Variants in GNA14 observed in about 807,000 individuals in gnomAD.
GNA14 encodes guanine nucleotide-binding protein subunit alpha-14.
Under a neutral mutation model 42.0 loss-of-function variants are expected in GNA14, and 50 were observed. The ratio of observed to expected loss-of-function variants is 1.19; its 90% CI spans 0.95 to 1.51. GNA14 has a LOEUF of 1.51. GNA14 is among the 40% of genes most tolerant of loss of function. The pLI is 0.00. For synonymous variants in GNA14, 173 were observed against 163.1 expected, an observed-to-expected ratio of 1.06 and a Z score of -0.46; for missense variants, 473 against 446.2, an observed-to-expected ratio of 1.06 and a Z score of -0.54.
intron 1 of GNA14, among the ~76,000 whole-genome samples, chr9:77,603,966 A>AC (rs1564064413): frequency 9.5e-5 from 14 of 148,124 alleles, no homozygotes; most frequent in African/African-American, 3.0e-4. Context: ...CAAAAAAAAA[A>AC]AAAAAAAAAA....
chr9:77,526,175 A>G (rs959445284), intron 2 of GNA14, among the ~76,000 whole-genome samples: 1 of 151,748 alleles, frequency 6.6e-6, no homozygotes, highest in Non-Finnish European at 1.5e-5. Context: ...GGCCTCCCAA[A>G]GTACTGGGTT....
At chr9:77,596,084 C>T (rs1823462856) in intron 1 of GNA14, among the ~76,000 whole-genome samples, 1 of 151,988 alleles carries the variant, frequency 6.6e-6, no homozygotes. Context: ...CATCTGGCAT[C>T]ACACATGCTT....
chr9:77,512,534 A>G (rs1363878579), intron 2 of GNA14, among the ~76,000 whole-genome samples: 1 of 152,192 alleles, frequency 6.6e-6, no homozygotes, highest in Non-Finnish European at 1.5e-5. Flanking sequence ...ATCTTTTCCC[A>G]CTCCATTCAA....
chr9:77,554,176 T>G (rs1357727199), intron 1 of GNA14, among the ~76,000 whole-genome samples: 3 of 152,196 alleles, frequency 2.0e-5, no homozygotes, highest in Non-Finnish European at 4.4e-5. Flanking sequence ...ACTCAGCCAG[T>G]GCTCAGCCCA....
intron 2 of GNA14, among the ~76,000 whole-genome samples, chr9:77,493,022 A>ATATATATATATATAT (rs1183078215): frequency 2.7e-5 from 2 of 74,960 alleles, no homozygotes; most frequent in African/African-American, 1.2e-4. Context: ...AAAAAAAAAA[A>ATATATATATATATAT]AAAAATATAT....
At chr9:77,516,865 TACA>T (rs1166570701) in intron 2 of GNA14, among the ~76,000 whole-genome samples, 1 of 152,152 alleles carries the variant, frequency 6.6e-6, no homozygotes. Context: ...AAACATCTCT[TACA>T]ACAATAATGA....
chr9:77,622,909 G>GAA (rs60072959), intron 1 of GNA14, among the ~76,000 whole-genome samples: 1 of 136,930 alleles, frequency 7.3e-6, no homozygotes, highest in East Asian at 2.2e-4. Flanking sequence ...AAAAAAAAAA[G>GAA]AAAAATTTTT....
At chr9:77,521,000 T>C (rs1191500696) in intron 2 of GNA14, among the ~76,000 whole-genome samples, 1 of 152,202 alleles carries the variant, frequency 6.6e-6, no homozygotes, top group Non-Finnish European at 1.5e-5. Flanking sequence ...AAAGTTCAGT[T>C]TCTTTCCCAT....
At chr9:77,557,776 TC>T (rs1159558181) in intron 1 of GNA14, among the ~76,000 whole-genome samples, 2 of 152,122 alleles carry the variant, frequency 1.3e-5, no homozygotes, top group Non-Finnish European at 2.9e-5. Context: ...CAATCCCTAA[TC>T]AAGAATGAAG....
chr9:77,559,082 T>C (rs1587829818), intron 1 of GNA14, among the ~76,000 whole-genome samples: 2 of 152,320 alleles, frequency 1.3e-5, no homozygotes, highest in South Asian at 4.1e-4. Context: ...TTAAAGCCTG[T>C]TGCTCTCACC....
At chr9:77,460,143 A>T (rs1454273594) in intron 2 of GNA14, among the ~76,000 whole-genome samples, 1 of 152,082 alleles carries the variant, frequency 6.6e-6, no homozygotes, top group Non-Finnish European at 1.5e-5. Context: ...ATTTAACCTT[A>T]CTTGGAAAGA....
At chr9:77,623,571 C>T (rs1823967293) in intron 1 of GNA14, among the ~76,000 whole-genome samples, 1 of 152,154 alleles carries the variant, frequency 6.6e-6, no homozygotes, top group Non-Finnish European at 1.5e-5. Flanking sequence ...ACTAAGGTAC[C>T]TGGCTCATCT....
At position 77,446,240 on chromosome 9, in the gene GNA14, T is replaced by C. The variant is rs1835816325; in HGVS notation, c.310-11718A>G. Among the ~76,000 whole-genome samples the C allele has an allele frequency of 3.3e-5, 5 of 152,192 alleles. 1 individual carries two copies. In the South Asian group the frequency reaches 1.0e-3, roughly 31 times the overall value. On this transcript the variant is annotated intron_variant, in intron 2 of 6. Coordinates refer to ENST00000341700, the MANE Select transcript of GNA14 (RefSeq NM_004297.4). ...GAGAAATCTCATTCTCTTTCTGGTG[T>C]TGGGTTATTTTCACGGCCCTTCCAG...
intron 1 of GNA14, among the ~76,000 whole-genome samples, chr9:77,560,214 TA>T (rs1311111268): frequency 6.6e-6 from 1 of 151,940 alleles, no homozygotes; most frequent in African/African-American, 2.4e-5. Flanking sequence ...TTTTATACGT[TA>T]AAGCAGAAAT....
intron 1 of GNA14, among the ~76,000 whole-genome samples, chr9:77,630,450 G>A (rs1294306934): frequency 2.6e-5 from 4 of 152,122 alleles, no homozygotes; most frequent in Non-Finnish European, 5.9e-5. Context: ...CGATCTACCA[G>A]AATCACTTAA....
intron 2 of GNA14, among the ~76,000 whole-genome samples, chr9:77,451,614 C>G (rs1835902424): frequency 6.6e-6 from 1 of 152,122 alleles, no homozygotes; most frequent in Admixed American, 6.5e-5. Context: ...GCAGTTATCC[C>G]CAAAAGATAA....
chr9:77,515,829 G>A (rs1272693877), intron 2 of GNA14, among the ~76,000 whole-genome samples: 3 of 151,520 alleles, frequency 2.0e-5, no homozygotes, highest in Non-Finnish European at 4.4e-5. Context: ...CCAGGCCTGG[G>A]GGTGTGCACC....
intron 2 of GNA14, among the ~76,000 whole-genome samples, chr9:77,474,139 G>GA (rs1163084510): frequency 2.0e-5 from 3 of 151,948 alleles, no homozygotes; most frequent in Non-Finnish European, 2.9e-5. Context: ...AGCAACAAAA[G>GA]AAAAAACCGA....
rs368585942 is a variant in GNA14, at chr9:77,428,047, T to A, written c.723+860A>T. ...CCCAGTAAATATGAATTTTTAGTGT[T>A]CAGTCCAAGAGATGGCATTTTTTCT... On this transcript the variant is annotated intron_variant, in intron 5 of 6. Transcript: ENST00000341700. 6.1e-4 allele frequency among the ~76,000 whole-genome samples: 93 copies of A among 151,998 alleles called. 1 individual carries two copies. The highest frequency in any genetic ancestry group is 2.2e-3 in the African/African-American group (90 of 41,472).
Sources: allele counts gnomAD v4.1 joint callset (sites outside exome capture counted in the v4.1 genomes callset), GRCh38; gene constraint gnomAD v4.1.1; transcripts MANE v1.5; gene names NCBI Gene and HGNC (gene_info 2026-07-23, HGNC 2026-07-21).